GPC6: variants seen among roughly 807,000 people sequenced by gnomAD.
GPC6 encodes the protein glypican 6, also known as glypican-6.
In GPC6, 14 loss-of-function variants were observed where a neutral mutation model predicts 55.2. That is an observed-to-expected ratio of 0.25 (90% CI 0.17 to 0.40). The LOEUF (loss-of-function observed/expected upper bound fraction) is 0.40, where lower values mean the gene tolerates loss of function less well. Ranked by LOEUF, GPC6 falls within the 10% of genes least tolerant of loss-of-function variation. The pLI, the probability that GPC6 is intolerant of heterozygous loss-of-function variation, is 1.00. For synonymous variants in GPC6, 278 were observed against 259.6 expected (o/e 1.07, Z -0.68); for missense variants, 641 against 708.5 (o/e 0.90, Z 1.08).
At chr13:93,627,196 C>A (rs1211393222) in intron 2 of GPC6, among the ~76,000 whole-genome samples, 1 of 151,812 alleles carries the variant, frequency 6.6e-6, no homozygotes, top group Non-Finnish European at 1.5e-5. Context: ...ATGTTCCCCT[C>A]CCTGTGTCCA....
chr13:94,274,926 C>T (rs542944250), intron 4 of GPC6, among the ~76,000 whole-genome samples: 1 of 152,204 alleles, frequency 6.6e-6, no homozygotes, highest in East Asian at 1.9e-4. Context: ...CAAAAGCCAC[C>T]AAGGGGCCAT....
intron 2 of GPC6, among the ~76,000 whole-genome samples, chr13:93,715,157 A>G (rs1883206923): frequency 6.6e-6 from 1 of 151,514 alleles, no homozygotes; most frequent in African/African-American, 2.4e-5. Context: ...AGACACATCC[A>G]CTCATATGTT....
chr13:94,223,162 A>G (rs1371295083), intron 4 of GPC6, among the ~76,000 whole-genome samples: 3 of 152,170 alleles, frequency 2.0e-5, no homozygotes, highest in Admixed American at 6.6e-5. Flanking sequence ...GAAGAAGTGT[A>G]TATGTTTGTG....
At chr13:94,365,678 A>G (rs1879255558) in intron 6 of GPC6, among the ~76,000 whole-genome samples, 1 of 152,200 alleles carries the variant, frequency 6.6e-6, no homozygotes, top group African/African-American at 2.4e-5. Context: ...TGCTGCATCT[A>G]AATTACTTTT....
intron 2 of GPC6, among the ~76,000 whole-genome samples, chr13:93,600,080 T>G (rs942309946): frequency 1.3e-5 from 2 of 152,230 alleles, no homozygotes; most frequent in African/African-American, 2.4e-5. Context: ...ATTTTTAAAT[T>G]ACGCTTTCTC....
At chr13:93,589,280 A>T (rs1298033967) in intron 2 of GPC6, among the ~76,000 whole-genome samples, 1 of 152,110 alleles carries the variant, frequency 6.6e-6, no homozygotes, top group African/African-American at 2.4e-5. Context: ...TCTCAAAAAA[A>T]ATTTTCAAAC....
chr13:93,395,244 T>C, intron 1 of GPC6: 1 of 439,150 alleles, frequency 2.3e-6, no homozygotes, highest in South Asian at 2.3e-5. Flanking sequence ...CCAGAACCAC[T>C]TGCACAACCA....
chr13:94,203,009 A>G (rs891153686), intron 4 of GPC6, among the ~76,000 whole-genome samples: 8 of 152,154 alleles, frequency 5.3e-5, no homozygotes, highest in Non-Finnish European at 1.2e-4. Context: ...TTCCTTGATC[A>G]GATTATTCTT....
rs554672778 is a variant in GPC6, at chr13:94,202,682, G to A, written c.878-83667G>A. On this transcript the variant is annotated intron_variant, in intron 4 of 8. Transcript: ENST00000377047. ...TGCAAGAAAAAGTATGGGTTGTTTA[G>A]ATAAGGTAATGCTAGAACCTTGAGA... Among the ~76,000 whole-genome samples the A allele has an allele frequency of 2.6e-5, 4 of 152,192 alleles. No homozygotes were observed. In the East Asian group the frequency reaches 7.7e-4, roughly 29 times the overall value.
chr13:93,778,442 G>C (rs531227840), intron 2 of GPC6, among the ~76,000 whole-genome samples: 3 of 152,240 alleles, frequency 2.0e-5, no homozygotes, highest in Non-Finnish European at 2.9e-5. Context: ...TCAGCAAATA[G>C]TTACTGAGTA....
rs571268762 is a variant in GPC6 at position 93,313,545 on chromosome 13, A to C, written c.160+85929A>C. Among the ~76,000 whole-genome samples the C allele has an allele frequency of 9.2e-5, 14 of 152,240 alleles. No individual in the cohort carries two copies. The East Asian group carries it at 2.5e-3, about 27-fold the overall frequency. On this transcript the variant is annotated intron_variant, in intron 1 of 8. Coordinates refer to ENST00000377047, the MANE Select transcript of GPC6 (RefSeq NM_005708.5). ...TATTGAATAATTAATATGTCTAGACACTTTATTGTGAAAACTAGAAATTTT... is the reference window on the plus strand; with the variant it reads ...TATTGAATAATTAATATGTCTAGACCCTTTATTGTGAAAACTAGAAATTTT...
chr13:93,464,848 CT>C (rs1301921562), intron 1 of GPC6, among the ~76,000 whole-genome samples: 1 of 152,120 alleles, frequency 6.6e-6, no homozygotes, highest in East Asian at 1.9e-4. Context: ...AAGTTATAGC[CT>C]TATGAAATGT....
intron 1 of GPC6, among the ~76,000 whole-genome samples, chr13:93,454,240 A>G (rs1331949199): frequency 6.6e-6 from 1 of 150,818 alleles, no homozygotes; most frequent in Non-Finnish European, 1.5e-5. Context: ...AGCTAGACAT[A>G]AAGGTTCTCC....
chr13:93,936,837 C>T (rs558078704), intron 3 of GPC6, among the ~76,000 whole-genome samples: 140 of 152,254 alleles, frequency 9.2e-4, no homozygotes, highest in African/African-American at 2.9e-3. Flanking sequence ...GTTATGCTGA[C>T]GAGACTATGC....
At chr13:94,024,004 A>T (rs558040701) in intron 3 of GPC6, among the ~76,000 whole-genome samples, 2 of 151,990 alleles carry the variant, frequency 1.3e-5, no homozygotes, top group Non-Finnish European at 2.9e-5. Context: ...AGCAAAAGGG[A>T]GTTCTTTTAT....
intron 4 of GPC6, among the ~76,000 whole-genome samples, chr13:94,119,935 C>T (rs1886567719): frequency 6.6e-6 from 1 of 151,802 alleles, no homozygotes; most frequent in Non-Finnish European, 1.5e-5. Context: ...TACCAACGCT[C>T]ATATAGTATT....
chr13:93,653,252 G>T (rs536022346), intron 2 of GPC6, among the ~76,000 whole-genome samples: 1 of 152,250 alleles, frequency 6.6e-6, no homozygotes, highest in African/African-American at 2.4e-5. Context: ...TCTCTTGTAT[G>T]TCTATGGAAT....
chr13:93,395,111 A>T (rs1594139914), intron 1 of GPC6: 1 of 252,248 alleles, frequency 4.0e-6, no homozygotes, highest in East Asian at 9.5e-5. Flanking sequence ...TCCAAAGTTG[A>T]TTCCATCATT....
chr13:93,476,147 A>T (rs902158760), intron 1 of GPC6, among the ~76,000 whole-genome samples: 1 of 152,190 alleles, frequency 6.6e-6, no homozygotes, highest in Non-Finnish European at 1.5e-5. Flanking sequence ...ACAGCATGAG[A>T]AGTCAGCAGC....
Sources: allele counts gnomAD v4.1 joint callset (sites outside exome capture counted in the v4.1 genomes callset), GRCh38; gene constraint gnomAD v4.1.1; transcripts MANE v1.5; gene names NCBI Gene and HGNC (gene_info 2026-07-23, HGNC 2026-07-21).